The following GRIN2A variants were observed in gnomAD, a reference collection of about 807,000 sequenced individuals.
GRIN2A encodes the protein glutamate receptor ionotropic, NMDA 2A.
GRIN2A carries 22 observed loss-of-function variants against 113.4 expected under a neutral mutation model. That is an observed-to-expected ratio of 0.19 (90% CI 0.14 to 0.28). The LOEUF is 0.28. Among genes scored for constraint, GRIN2A ranks in the 10% least tolerant of loss-of-function variants. The pLI is 1.00. For missense variants in GRIN2A, 1,502 were observed against 1,887.0 expected (o/e 0.80, Z 3.78); for synonymous variants, 827 against 738.4 (o/e 1.12, Z -1.94).
intron 2 of GRIN2A, among the ~76,000 whole-genome samples, chr16:9,958,312 G>T (rs969527133): frequency 6.6e-6 from 1 of 152,014 alleles, no homozygotes; most frequent in Non-Finnish European, 1.5e-5. Context: ...CAAAGCCATG[G>T]CTCCCTCTTG....
At chr16:10,172,826 A>G (rs1025105924) in intron 2 of GRIN2A, among the ~76,000 whole-genome samples, 1 of 152,264 alleles carries the variant, frequency 6.6e-6, no homozygotes, top group Admixed American at 6.5e-5. Flanking sequence ...AAAGACACCA[A>G]TTAATAACCT....
intron 2 of GRIN2A, among the ~76,000 whole-genome samples, chr16:10,094,259 A>C (rs915296572): frequency 2.6e-5 from 4 of 152,198 alleles, no homozygotes; most frequent in African/African-American, 9.6e-5. Flanking sequence ...TGTAATTTTT[A>C]AAAAGTGCTG....
intron 7 of GRIN2A, among the ~76,000 whole-genome samples, chr16:9,835,083 T>C (rs559102399): frequency 3.9e-5 from 6 of 152,274 alleles, no homozygotes; most frequent in African/African-American, 1.4e-4. Flanking sequence ...GTGACAGAAA[T>C]ATTGGAAAGT....
chr16:9,843,825 C>T (rs2141353427), intron 5 of GRIN2A, among the ~76,000 whole-genome samples: 1 of 152,278 alleles, frequency 6.6e-6, no homozygotes, highest in Middle Eastern at 3.4e-3. Context: ...TATGTGCCAG[C>T]TCCATCTCCA....
In GRIN2A at chr16:9,798,903, G is replaced by T. The variant is rs149768975; in HGVS notation, c.2169-439C>A. Among the ~76,000 whole-genome samples, 187 of 152,312 alleles carry T rather than the reference G, an allele frequency of 1.2e-3. 1 individual carries two copies. The highest frequency in any genetic ancestry group is 4.2e-3 in the African/African-American group (176 of 41,558). ...TTTTTTCCTCCCAAAAGAAATACAT[G>T]TGCTGCTTATTTATCATACAGAAAT... is the stretch of plus-strand genomic sequence containing the variant. On this transcript the variant is annotated intron_variant, in intron 10 of 12. Transcript: ENST00000330684.
In GRIN2A at chr16:9,763,535, A is replaced by C; in HGVS notation, c.4009T>G (p.Ser1337Ala). The C allele has an allele frequency of 6.2e-7, 1 of 1,613,856 alleles. No individual in the cohort carries two copies. Among genetic ancestry groups the C allele is most frequent in the East Asian group, 2.2e-5 (1 of 44,848 alleles). Residue 1337 changes from serine to alanine, a missense_variant, in exon 13 of 13, where the codon TCG (serine) becomes GCG (alanine). By Grantham distance (99) the Ser-to-Ala change is moderately conservative (BLOSUM62 1). Around this residue, in one of 7 missense-constraint regions of GRIN2A, gnomAD observed 832 missense variants for 789.7 expected, o/e 1.05. Coordinates refer to ENST00000330684, the MANE Select transcript of GRIN2A (RefSeq NM_001134407.3). ...SLFSVPSSKL[S>A]GKKSSLFPQG... ...GGGAAAAGGGAGCTTTTTTTCCCCG[A>C]GAGTTTGCTTGAGGGGACACTAAAC...
chr16:9,831,181 G>T (rs2042485607), intron 8 of GRIN2A, among the ~76,000 whole-genome samples: 1 of 152,188 alleles, frequency 6.6e-6, no homozygotes, highest in South Asian at 2.1e-4. Flanking sequence ...GAAGGGCTGA[G>T]GAGTTTGCAC....
At position 9,761,096 on chromosome 16, in the gene GRIN2A, G is replaced by A. The variant is rs775312419; in HGVS notation, c.*2053C>T. 39 of 232,732 alleles carry A rather than the reference G, an allele frequency of 1.7e-4. No homozygotes were observed. Among genetic ancestry groups the A allele is most frequent in the Non-Finnish European group, 2.8e-4 (33 of 117,738 alleles). The allele number at this position is 232,732 out of a possible 1,614,324, so 14.4% of individuals were successfully genotyped here. On this transcript the variant is annotated 3_prime_UTR_variant, in exon 13 of 13. Coordinates refer to ENST00000330684, the MANE Select transcript of GRIN2A (RefSeq NM_001134407.3). ...TTCTGCCTTTCAAAAATGAAAGGAA[G>A]CTCCTCTCACCCACTGCCTCCCTCT...
chr16:9,853,847 C>T (rs760316749), intron 4 of GRIN2A, among the ~76,000 whole-genome samples: 7 of 152,142 alleles, frequency 4.6e-5, no homozygotes, highest in Non-Finnish European at 8.8e-5. Context: ...TTCATTTATA[C>T]TCCCACTCAC....
intron 2 of GRIN2A, among the ~76,000 whole-genome samples, chr16:10,007,867 C>T (rs565179256): frequency 4.3e-4 from 65 of 152,120 alleles, no homozygotes; most frequent in South Asian, 1.7e-3. Context: ...CACAGGAGGA[C>T]TTTAGAATGG....
intron 2 of GRIN2A, among the ~76,000 whole-genome samples, chr16:10,159,217 C>T (rs3911053): frequency 0.65 from 98,205 of 151,982 alleles, 31,761 homozygotes; most frequent in Non-Finnish European, 0.67. Context: ...ACATCCGTCC[C>T]TCATGTTCCT....
chr16:9,798,176 C>A (rs577161306), intron 11 of GRIN2A, 101 bp downstream of exon 11: 3 of 930,998 alleles, frequency 3.2e-6, no homozygotes, highest in East Asian at 2.6e-5. Flanking sequence ...TTTTAGGGAG[C>A]AAACTCATCA....
chr16:9,928,601 A>G (rs2044520066), intron 3 of GRIN2A, among the ~76,000 whole-genome samples: 1 of 152,004 alleles, frequency 6.6e-6, no homozygotes, highest in South Asian at 2.1e-4. Flanking sequence ...CTCCAGATCC[A>G]AAGTTCCATC....
intron 11 of GRIN2A, among the ~76,000 whole-genome samples, chr16:9,782,843 G>A (rs1902011471): frequency 6.6e-6 from 1 of 152,140 alleles, no homozygotes; most frequent in Non-Finnish European, 1.5e-5. Flanking sequence ...AATAAGTACT[G>A]TTCCATTATT....
rs1359220700 is a variant in GRIN2A, at chr16:9,768,711, A to G, written c.2595+140T>C. 6.5e-6 allele frequency: 5 copies of G among 768,908 alleles called. No homozygotes were observed. The East Asian group carries it at 9.8e-5, about 15-fold the overall frequency. The allele number at this position is 768,908 out of a possible 1,614,324, so 47.6% of individuals were successfully genotyped here. A position where few individuals can be genotyped will look rare whatever the true frequency, so the allele number is the denominator to read the frequency against. On this transcript the variant is annotated intron_variant, in intron 12 of 12. Transcript: ENST00000330684. ...TTTGCAACACCTGGCTTATGAATGC[A>G]CAAAATCTGGATGCTCTTGTGACAT...
chr16:9,932,528 A>G (rs1328120516), intron 3 of GRIN2A, among the ~76,000 whole-genome samples: 1 of 151,734 alleles, frequency 6.6e-6, no homozygotes, highest in African/African-American at 2.4e-5. Flanking sequence ...GGCGTGCACC[A>G]CCACACCCAG....
chr16:9,803,299 C>A (rs564949465), intron 10 of GRIN2A, among the ~76,000 whole-genome samples: 1 of 151,904 alleles, frequency 6.6e-6, no homozygotes. Flanking sequence ...TCCAGCTACT[C>A]GGGAGGCTGA....
At chr16:9,791,798 C>T (rs1902620244) in intron 11 of GRIN2A, among the ~76,000 whole-genome samples, 1 of 151,762 alleles carries the variant, frequency 6.6e-6, no homozygotes, top group Admixed American at 6.6e-5. Context: ...AGATACAAGG[C>T]CAACAAAAAA....
At chr16:9,903,636 G>T (rs556676600) in intron 3 of GRIN2A, among the ~76,000 whole-genome samples, 1 of 152,126 alleles carries the variant, frequency 6.6e-6, no homozygotes, top group African/African-American at 2.4e-5. Context: ...CACCCCTCAT[G>T]ATCATCTCAA....
Sources: gnomAD v4.1 joint callset for allele counts (sites outside exome capture counted in the v4.1 genomes callset) on GRCh38, gnomAD v4.1.1 for gene constraint, gnomAD v4.1.1 regional missense constraint, MANE v1.5 for transcripts, NCBI Gene and HGNC (gene_info 2026-07-23, HGNC 2026-07-21) for gene names.